SOX5: variants seen among roughly 807,000 people sequenced by gnomAD.
SOX5 encodes transcription factor SOX-5.
SOX5 carries 9 observed loss-of-function variants against 92.0 expected under a neutral mutation model. The observed-to-expected ratio is 0.10, with a 90% CI of 0.06 to 0.17. The LOEUF is 0.17. Among genes scored for constraint, SOX5 ranks in the 10% least tolerant of loss-of-function variants. SOX5 has a pLI of 1.00. For missense variants in SOX5, 642 were observed against 944.5 expected (o/e 0.68, Z 4.20); for synonymous variants, 344 against 336.3 (o/e 1.02, Z -0.25).
intron 10 of SOX5, among the ~76,000 whole-genome samples, chr12:23,571,856 A>C (rs1016572697): frequency 2.0e-5 from 3 of 152,154 alleles, no homozygotes; most frequent in Non-Finnish European, 4.4e-5. Context: ...GATTATATGG[A>C]TATCTACTCC....
intron 3 of SOX5, among the ~76,000 whole-genome samples, chr12:24,247,084 G>T (rs1938940990): frequency 6.6e-6 from 1 of 152,188 alleles, no homozygotes; most frequent in African/African-American, 2.4e-5. Context: ...TATTTTTGGA[G>T]ATGTCACAGA....
At chr12:23,559,546 G>A (rs1027422655) in intron 11 of SOX5, among the ~76,000 whole-genome samples, 1 of 152,160 alleles carries the variant, frequency 6.6e-6, no homozygotes, top group Admixed American at 6.5e-5. Context: ...CTTTCATGAT[G>A]TGTTTTGGTA....
chr12:23,879,327 G>A (rs1174489492), intron 2 of SOX5, among the ~76,000 whole-genome samples: 3 of 81,278 alleles, frequency 3.7e-5, no homozygotes, highest in Non-Finnish European at 7.8e-5. Context: ...TATCTAATCT[G>A]ATGAAAAAAA....
intron 7 of SOX5, among the ~76,000 whole-genome samples, chr12:23,646,110 C>A: frequency 6.6e-6 from 1 of 152,160 alleles, no homozygotes; most frequent in Non-Finnish European, 1.5e-5. Context: ...ATGTTGATGG[C>A]TGCTGACTGA....
chr12:24,519,807 T>C (rs985204118), intron 1 of SOX5, among the ~76,000 whole-genome samples: 2 of 152,128 alleles, frequency 1.3e-5, no homozygotes, highest in African/African-American at 4.8e-5. Flanking sequence ...ACCTTGGAAA[T>C]GTAAATCCAG....
chr12:24,124,354 A>G (rs1800446142), intron 4 of SOX5, among the ~76,000 whole-genome samples: 1 of 152,184 alleles, frequency 6.6e-6, no homozygotes, highest in African/African-American at 2.4e-5. Context: ...TCTAATGGCC[A>G]CAGAACATTT....
chr12:24,443,348 C>T (rs1300764056), intron 1 of SOX5, among the ~76,000 whole-genome samples: 2 of 152,174 alleles, frequency 1.3e-5, no homozygotes, highest in African/African-American at 4.8e-5. Flanking sequence ...GAGATTACTG[C>T]AAATGCTTTC....
chr12:24,422,376 G>A (rs1181155645), intron 1 of SOX5, among the ~76,000 whole-genome samples: 1 of 152,128 alleles, frequency 6.6e-6, no homozygotes. Context: ...AGTGATGTTT[G>A]TCACTTCTGG....
In SOX5 at chr12:24,044,935, T is replaced by C. The variant is rs1335822224; in HGVS notation, c.-1-148911A>G. On this transcript the variant is annotated intron_variant, in intron 4 of 4. Coordinates refer to the SOX5 transcript ENST00000446891. ...CAGCATTACAATAAATGTAGCATGTTCTAACTGTTTTTAAAATATTTCTTT... is the reference window on the plus strand; with the variant it reads ...CAGCATTACAATAAATGTAGCATGTCCTAACTGTTTTTAAAATATTTCTTT... 4.6e-5 allele frequency among the ~76,000 whole-genome samples: 7 copies of C among 152,210 alleles called. No individual in the cohort carries two copies. The South Asian group carries it at 1.4e-3, about 32-fold the overall frequency.
intron 6 of SOX5, among the ~76,000 whole-genome samples, chr12:23,714,646 A>AC (rs1479711376): frequency 2.0e-5 from 3 of 152,080 alleles, no homozygotes; most frequent in African/African-American, 7.2e-5. Flanking sequence ...AACAAAAAAA[A>AC]CCCACAACAG....
At chr12:24,023,787 T>G (rs1234892070) in intron 4 of SOX5, among the ~76,000 whole-genome samples, 1 of 152,122 alleles carries the variant, frequency 6.6e-6, no homozygotes, top group African/African-American at 2.4e-5. Context: ...AGCCATGTGC[T>G]GCAGGTATCT....
intron 3 of SOX5, among the ~76,000 whole-genome samples, chr12:23,810,087 T>C (rs2095851137): frequency 6.6e-6 from 1 of 152,192 alleles, no homozygotes. Context: ...GAAGTAACTA[T>C]TGTTTCTGGA....
chr12:24,317,859 A>C (rs769513998), intron 2 of SOX5, among the ~76,000 whole-genome samples: 1 of 152,148 alleles, frequency 6.6e-6, no homozygotes, highest in Non-Finnish European at 1.5e-5. Context: ...AATCTGAAAA[A>C]TCAAAAGAAG....
At chr12:24,040,246 C>T (rs993212388) in intron 4 of SOX5, among the ~76,000 whole-genome samples, 1 of 152,136 alleles carries the variant, frequency 6.6e-6, no homozygotes, top group African/African-American at 2.4e-5. Context: ...TTGAAAATAT[C>T]TATGGTTCTA....
At chr12:24,074,636 A>AC (rs1266361781) in intron 4 of SOX5, among the ~76,000 whole-genome samples, 7 of 149,830 alleles carry the variant, frequency 4.7e-5, no homozygotes, top group Non-Finnish European at 8.9e-5. Flanking sequence ...CTACCAAAAA[A>AC]AAAAAAAAAA....
At chr12:24,520,553 G>C (rs1252979319) in intron 1 of SOX5, among the ~76,000 whole-genome samples, 2 of 150,194 alleles carry the variant, frequency 1.3e-5, no homozygotes, top group Admixed American at 6.6e-5. Flanking sequence ...AAATAAAAAA[G>C]GAAGACAGCA....
intron 1 of SOX5, among the ~76,000 whole-genome samples, chr12:24,439,398 T>C (rs887929553): frequency 8.5e-5 from 13 of 152,342 alleles, no homozygotes; most frequent in African/African-American, 3.1e-4. Context: ...TGTATAGTTA[T>C]GCAGCTTCCT....
chr12:24,538,872 G>T (rs767505123), intron 1 of SOX5, among the ~76,000 whole-genome samples: 1 of 152,120 alleles, frequency 6.6e-6, no homozygotes, highest in South Asian at 2.1e-4. Context: ...GAAAAAACAC[G>T]CTGGGATTTT....
At chr12:24,017,848 T>A (rs1288703754) in intron 4 of SOX5, among the ~76,000 whole-genome samples, 1 of 152,084 alleles carries the variant, frequency 6.6e-6, no homozygotes, top group Non-Finnish European at 1.5e-5. Flanking sequence ...ACCTGCCTCG[T>A]CCACACACAC....
Sources: gnomAD v4.1 joint callset for allele counts (sites outside exome capture counted in the v4.1 genomes callset) on GRCh38, gnomAD v4.1.1 for gene constraint, MANE v1.5 for transcripts, NCBI Gene and HGNC (gene_info 2026-07-23, HGNC 2026-07-21) for gene names.